Variants in TTC39A observed in about 807,000 individuals in gnomAD.
TTC39A encodes tetratricopeptide repeat domain 39A.
In TTC39A, 46 loss-of-function variants were observed where a neutral mutation model predicts 82.3. The observed-to-expected ratio is 0.56, with a 90% CI of 0.44 to 0.71. The LOEUF is 0.71. TTC39A is among the 30% of genes least tolerant of loss of function. TTC39A has a pLI of 0.00. For synonymous variants in TTC39A, 254 were observed against 275.2 expected (o/e 0.92, Z 0.76); for missense variants, 543 against 712.9 (o/e 0.76, Z 2.71).
chr1:51,294,548 A>G lies in TTC39A; in HGVS notation c.1146-37T>C. ...ATGGGGAGGGTGGGAGAGGATGAAA[A>G]AGAGCAGGAGAGGGCAGAGGGTCCC... On this transcript the variant is annotated intron_variant, in intron 13 of 17. Transcript: ENST00000680483. This position sits in a 1 kb window ranked among gnomAD's most constrained non-coding sequence, Gnocchi z 4.3. 2 of 1,612,846 alleles carry G rather than the reference A, an allele frequency of 1.2e-6. No homozygotes were observed. The highest frequency in any genetic ancestry group is 2.7e-5 in the African/African-American group (2 of 75,032).
intron 8 of TTC39A, among the ~76,000 whole-genome samples, chr1:51,303,542 G>C (rs1644761485): frequency 6.6e-6 from 1 of 152,178 alleles, no homozygotes; most frequent in African/African-American, 2.4e-5. Flanking sequence ...ACACGGAGGT[G>C]GATGATCCCA....
chr1:51,288,442 G>A lies in TTC39A; in HGVS notation c.1611-162C>T, dbSNP rs559350967. On this transcript the variant is annotated intron_variant, in intron 17 of 17. Coordinates refer to ENST00000680483, the MANE Select transcript of TTC39A (RefSeq NM_001297663.2). This position sits in a 1 kb window ranked among gnomAD's most constrained non-coding sequence, Gnocchi z 4.8. ...TACCCAATGGGAGAGTTAACCAGAAGGGTTTGTGGCCCCTCATCCCTGGTA... is the reference window on the plus strand; with the variant it reads ...TACCCAATGGGAGAGTTAACCAGAAAGGTTTGTGGCCCCTCATCCCTGGTA... 2.6e-5 allele frequency among the ~76,000 whole-genome samples: 4 copies of A among 152,294 alleles called. No individual in the cohort carries two copies. In the East Asian group the frequency reaches 7.7e-4, roughly 29 times the overall value.
chr1:51,343,068 C>T (rs151249169), intron 1 of TTC39A: 1 of 456,296 alleles, frequency 2.2e-6, no homozygotes, highest in African/African-American at 2.0e-5. Context: ...TTCTCCCAGG[C>T]AGGGAAGGTC....
intron 15 of TTC39A, 44 bp downstream of exon 15, chr1:51,290,470 G>C (rs1644165606): frequency 3.8e-6 from 6 of 1,565,540 alleles, no homozygotes; most frequent in Non-Finnish European, 5.2e-6. Context: ...CAGCTGTAAA[G>C]ACCTGACCTA....
chr1:51,337,172 T>G (rs1276296970), intron 1 of TTC39A, among the ~76,000 whole-genome samples: 1 of 152,276 alleles, frequency 6.6e-6, no homozygotes. Flanking sequence ...CTATGGCTCA[T>G]GAGGCCCTGC....
intron 6 of TTC39A, 106 bp from the exon 7 acceptor site, chr1:51,306,182 A>T: frequency 1.2e-6 from 1 of 844,754 alleles, no homozygotes; most frequent in Non-Finnish European, 1.9e-6. Flanking sequence ...TGGTGGATTC[A>T]TACAGTTCTG....
chr1:51,314,852 T>C (rs1056828410), intron 2 of TTC39A, among the ~76,000 whole-genome samples: 2 of 152,132 alleles, frequency 1.3e-5, no homozygotes, highest in Non-Finnish European at 2.9e-5. Context: ...CCTTAACTCT[T>C]CTCCCCAATG....
At position 51,294,769 on chromosome 1, in the gene TTC39A, G is replaced by A. The variant is rs923612590; in HGVS notation, c.1146-258C>T. Among the ~76,000 whole-genome samples, 4 of 152,202 alleles carry A rather than the reference G, an allele frequency of 2.6e-5. No homozygotes were observed. The highest frequency in any genetic ancestry group is 5.9e-5 in the Non-Finnish European group (4 of 68,024). On this transcript the variant is annotated intron_variant, in intron 13 of 17. Transcript: ENST00000680483. This position sits in a 1 kb window ranked among gnomAD's most constrained non-coding sequence, Gnocchi z 4.3. The stretch of plus-strand genomic sequence containing the variant: ...CCCGCCAGCTGGCAGAGATGAGAGT[G>A]TGCCAAACACCCCTGGGCCGGCCCT...
chr1:51,306,079 G>A lies in TTC39A; in HGVS notation c.489-3C>T. The stretch of plus-strand genomic sequence containing the variant: ...ACTGAACAAGGCTGTCCAGCTCCCT[G>A]CAGAGAGATGCCAAGTCCTGTTTCA... On this transcript the variant is annotated splice_region_variant and splice_polypyrimidine_tract_variant and intron_variant, in intron 6 of 17. Transcript: ENST00000680483. 2 of 1,613,088 alleles carry A rather than the reference G, an allele frequency of 1.2e-6. No individual in the cohort carries two copies.
chr1:51,295,710 C>T (rs987680086), intron 13 of TTC39A: 1 of 286,972 alleles, frequency 3.5e-6, no homozygotes, highest in African/African-American at 2.1e-5. Context: ...TGTCAGCTCT[C>T]TACTGTGCTT....
At chr1:51,343,006 C>T (rs933919582) in intron 1 of TTC39A, 3 of 455,960 alleles carry the variant, frequency 6.6e-6, no homozygotes, top group African/African-American at 6.0e-5. Context: ...AACATACATA[C>T]ACGGGAGACC....
At chr1:51,328,048 A>C (rs1020442733) in intron 1 of TTC39A, among the ~76,000 whole-genome samples, 7 of 152,128 alleles carry the variant, frequency 4.6e-5, no homozygotes, top group African/African-American at 7.2e-5. Context: ...AAACTAAATA[A>C]CTTTAAAAGA....
At chr1:51,290,410 G>T in intron 15 of TTC39A, 104 bp downstream of exon 15, 3 of 1,024,288 alleles carry the variant, frequency 2.9e-6, no homozygotes, top group Non-Finnish European at 4.3e-6. Flanking sequence ...ATAAAGGAGA[G>T]TTGCCAGGGT....
At chr1:51,331,237 C>T (rs1645904759), upstream of TTC39A, 1 of 1,549,634 alleles carries the variant, frequency 6.5e-7, no homozygotes, top group Non-Finnish European at 8.7e-7. Context: ...TTGGCCCCCT[C>T]TCCCCTGCAT....
chr1:51,339,867 T>C lies in TTC39A; in HGVS notation c.53+5124A>G, dbSNP rs146587596. Among the ~76,000 whole-genome samples the C allele has an allele frequency of 8.7e-4, 132 of 152,302 alleles. 1 individual carries two copies. Among genetic ancestry groups the C allele is most frequent in the African/African-American group, 2.9e-3 (122 of 41,560 alleles). On this transcript the variant is annotated intron_variant, in intron 1 of 5. Transcript: ENST00000401051. Reference sequence around the variant, plus strand: ...CACCCATGGCATGGGGTGATTGCTATAGAGTGACAGTTTGCATCCCCCAAC... The same window carrying C: ...CACCCATGGCATGGGGTGATTGCTACAGAGTGACAGTTTGCATCCCCCAAC...
intron 4 of TTC39A, 114 bp from the exon 5 acceptor site, chr1:51,311,435 C>A: frequency 1.1e-6 from 1 of 872,766 alleles, no homozygotes; most frequent in South Asian, 1.7e-5. Flanking sequence ...GTCAGCACCT[C>A]TCCTGTCCCC....
intron 1 of TTC39A, among the ~76,000 whole-genome samples, chr1:51,340,936 C>A (rs1646028503): frequency 6.6e-6 from 1 of 152,158 alleles, no homozygotes. Context: ...CTTTGGGAGG[C>A]CGAGGCTGAT....
At chr1:51,329,019 G>A (rs1645813206) in intron 1 of TTC39A, among the ~76,000 whole-genome samples, 1 of 152,208 alleles carries the variant, frequency 6.6e-6, no homozygotes, top group Non-Finnish European at 1.5e-5. Context: ...GGCATGCAGA[G>A]AGGCAGGTAC....
chr1:51,302,706 C>T (rs1644719527), intron 9 of TTC39A, 133 bp from the exon 10 acceptor site: 2 of 984,362 alleles, frequency 2.0e-6, no homozygotes, highest in African/African-American at 1.6e-5. Flanking sequence ...CTCCCTGTCC[C>T]TAGGGTGACA....
Sources: allele counts gnomAD v4.1 joint callset (sites outside exome capture counted in the v4.1 genomes callset), GRCh38; gene constraint gnomAD v4.1.1; non-coding constraint Gnocchi (gnomAD v3.1); transcripts MANE v1.5; gene names NCBI Gene and HGNC (gene_info 2026-07-23, HGNC 2026-07-21).